ADAMTS18: variants seen among roughly 807,000 people sequenced by gnomAD.
ADAMTS18 encodes the protein ADAM metallopeptidase with thrombospondin type 1 motif 18, also known as A disintegrin and metalloproteinase with thrombospondin motifs 18.
In ADAMTS18, 157 loss-of-function variants were observed where a neutral mutation model predicts 165.9. That is an observed-to-expected ratio of 0.95 (90% confidence interval 0.83 to 1.08). ADAMTS18 has a LOEUF of 1.08. Among genes scored for constraint, ADAMTS18 ranks in the 50% least tolerant of loss-of-function variants. ADAMTS18 has a pLI of 0.00. For missense variants in ADAMTS18, 2,040 were observed against 1,534.0 expected (o/e 1.33, Z -5.51); for synonymous variants, 782 against 578.2 (o/e 1.35, Z -5.06).
intron 2 of ADAMTS18, 172 bp from the exon 3 acceptor site, chr16:77,431,783 T>C (rs912363251): frequency 3.8e-5 from 27 of 704,140 alleles, no homozygotes; most frequent in African/African-American, 3.7e-4. Context: ...GACCTGTCTC[T>C]ACAACTAACT....
chr16:77,379,894 G>A (rs1597199992), intron 3 of ADAMTS18, among the ~76,000 whole-genome samples: 1 of 152,258 alleles, frequency 6.6e-6, no homozygotes, highest in Non-Finnish European at 1.5e-5. Context: ...CTCCGCCTGT[G>A]GTTCACGCAG....
intron 3 of ADAMTS18, among the ~76,000 whole-genome samples, chr16:77,387,472 C>T (rs545753200): frequency 1.3e-5 from 2 of 152,276 alleles, no homozygotes; most frequent in South Asian, 2.1e-4. Flanking sequence ...TCTCAAAATG[C>T]ACTACTCAAG....
chr16:77,363,717 A>G (rs1296500020), intron 6 of ADAMTS18, 85 bp downstream of exon 6: 9 of 1,265,488 alleles, frequency 7.1e-6, no homozygotes, highest in African/African-American at 1.5e-5. Flanking sequence ...CGACTAGTAC[A>G]TGGATTAGTG....
chr16:77,334,769 A>ACTG (rs369610703), intron 12 of ADAMTS18, among the ~76,000 whole-genome samples: 17,572 of 40,214 alleles, frequency 0.44, 2,013 homozygotes, highest in East Asian at 0.52. Flanking sequence ...TATACAGTAT[A>ACTG]TATACTATAG....
At chr16:77,293,942 T>G (rs577434386) in intron 19 of ADAMTS18, among the ~76,000 whole-genome samples, 92 of 151,592 alleles carry the variant, frequency 6.1e-4, no homozygotes, top group Middle Eastern at 3.4e-3. Flanking sequence ...GACCTGGGGG[T>G]TGGGGACCCT....
chr16:77,324,084 TCATAAA>T (rs1266445005), intron 13 of ADAMTS18, among the ~76,000 whole-genome samples: 3 of 152,216 alleles, frequency 2.0e-5, no homozygotes, highest in Non-Finnish European at 4.4e-5. Context: ...AGGACTGATT[TCATAAA>T]CACTATGTTT....
At chr16:77,321,389 G>A (rs1451404721) in intron 14 of ADAMTS18, among the ~76,000 whole-genome samples, 187 bp from the exon 15 acceptor site, 1 of 152,130 alleles carries the variant, frequency 6.6e-6, no homozygotes. Flanking sequence ...ATTATTAGAT[G>A]ACTGAGCAAG....
intron 3 of ADAMTS18, among the ~76,000 whole-genome samples, chr16:77,416,513 G>T (rs546309336): frequency 6.6e-6 from 1 of 152,126 alleles, no homozygotes; most frequent in South Asian, 2.1e-4. Context: ...GAGATCTGAT[G>T]GTTTTATAAA....
At chr16:77,304,009 G>A (rs1053352940) in intron 16 of ADAMTS18, among the ~76,000 whole-genome samples, 5 of 151,304 alleles carry the variant, frequency 3.3e-5, no homozygotes, top group Admixed American at 1.3e-4. Context: ...CAGCCTGGGC[G>A]ACAGAGCAAC....
intron 4 of ADAMTS18, among the ~76,000 whole-genome samples, chr16:77,364,772 CAAAGG>C: frequency 7.4e-6 from 1 of 134,500 alleles, no homozygotes; most frequent in African/African-American, 3.5e-5. Flanking sequence ...AAAAGGAAAG[CAAAGG>C]AAAGCAAAGC....
intron 13 of ADAMTS18, 105 bp downstream of exon 13, chr16:77,325,761 G>T: frequency 8.3e-7 from 1 of 1,210,974 alleles, no homozygotes; most frequent in Non-Finnish European, 1.2e-6. Context: ...GGAGTGAAAG[G>T]TAAACATTCA....
intron 10 of ADAMTS18, among the ~76,000 whole-genome samples, chr16:77,353,214 CT>C (rs1397746574): frequency 6.6e-6 from 1 of 152,152 alleles, no homozygotes; most frequent in Non-Finnish European, 1.5e-5. Flanking sequence ...GACTTTTGTA[CT>C]TTCCCAATTA....
rs1321047836 is a variant in ADAMTS18, at chr16:77,293,195, C to A, written c.3070G>T (p.Glu1024Ter). 1 of 1,614,030 alleles carries A rather than the reference C, an allele frequency of 6.2e-7. No individual in the cohort carries two copies. Among genetic ancestry groups the A allele is most frequent in the Non-Finnish European group, 8.5e-7 (1 of 1,179,978 alleles). Residue 1024 changes from glutamate to a stop codon, truncating the protein, a stop_gained, in exon 20 of 23, where the codon GAA becomes TAA. Transcript: ENST00000282849. LOFTEE classifies it high-confidence loss of function. ...RELLCKGSAAETLPESQCTSL... is the reference protein window; with the variant it reads ...RELLCKGSAA ...GTACACTGGCTCTCGGGGAGGGTTT[C>A]TGCGGCAGAGCCCTTGCAGAGGAGT...
At chr16:77,377,171 A>T (rs2056966142) in intron 3 of ADAMTS18, among the ~76,000 whole-genome samples, 1 of 152,208 alleles carries the variant, frequency 6.6e-6, no homozygotes. Flanking sequence ...ACACTTTATG[A>T]ATTTTCCCTA....
intron 3 of ADAMTS18, among the ~76,000 whole-genome samples, chr16:77,416,074 T>A (rs945489260): frequency 6.6e-6 from 1 of 151,886 alleles, no homozygotes; most frequent in African/African-American, 2.4e-5. Context: ...CAATAAATAA[T>A]ATAAAGAAAA....
intron 12 of ADAMTS18, among the ~76,000 whole-genome samples, chr16:77,333,240 T>G (rs987052492): frequency 2.6e-5 from 4 of 152,076 alleles, no homozygotes; most frequent in East Asian, 1.9e-4. Context: ...TCTGGTTGAT[T>G]GTTACTAACC....
Position 77,434,425 on chromosome 16 carries a change from T to G in ADAMTS18, c.171A>C (p.Leu57Phe). The change falls in exon 2 of 23, where the codon TTA becomes TTC. Residue 57 changes from leucine (L) to phenylalanine (F), a missense_variant. Leu to Phe is a conservative substitution (Grantham distance 22). Transcript: ENST00000282849. Reference sequence around the variant, plus strand: ...TGGGGGGCAAATACGAACCATCATTTAATCCGCTGGCGCCGCTGCTGCTGT... The same window carrying G: ...TGGGGGGCAAATACGAACCATCATTGAATCCGCTGGCGCCGCTGCTGCTGT... ...ASDSSSGASG[L>F]NDDYVFVTPV... 3.2e-6 allele frequency: 5 copies of G among 1,570,774 alleles called. No homozygotes were observed. The South Asian group carries it at 3.5e-5, about 11-fold the overall frequency.
At chr16:77,296,057 T>A (rs1423913309) in intron 18 of ADAMTS18, among the ~76,000 whole-genome samples, 2 of 152,042 alleles carry the variant, frequency 1.3e-5, no homozygotes, top group African/African-American at 4.8e-5. Context: ...CATCTTTATA[T>A]ATAAAGATTG....
chr16:77,353,756 A>G lies in ADAMTS18; in HGVS notation c.1591T>C (p.Leu531=), dbSNP rs367964787. 1.4e-5 allele frequency: 22 copies of G among 1,614,054 alleles called. No individual in the cohort carries two copies. The African/African-American group carries it at 2.0e-4, about 15-fold the overall frequency. Residue 531 remains leucine, a synonymous_variant, in exon 10 of 23, where the codon TTA becomes CTA. Coordinates refer to ENST00000282849, the MANE Select transcript of ADAMTS18 (RefSeq NM_199355.4). ...CKWQFGAKAK[L]CSLGFVKDIC... ...ACCTTCACAAAACCAAGGCTGCATAACTTGGCTTTTGCTCCAAATTGCCAT... is the reference window on the plus strand; with the variant it reads ...ACCTTCACAAAACCAAGGCTGCATAGCTTGGCTTTTGCTCCAAATTGCCAT...
Sources: gnomAD v4.1 joint callset for allele counts (sites outside exome capture counted in the v4.1 genomes callset) on GRCh38, gnomAD v4.1.1 for gene constraint, MANE v1.5 for transcripts, NCBI Gene and HGNC (gene_info 2026-07-23, HGNC 2026-07-21) for gene names.